Variants in DLG2 observed in about 807,000 individuals in gnomAD.
The protein encoded by DLG2 is discs large MAGUK scaffold protein 2.
Under a neutral mutation model 132.5 loss-of-function variants are expected in DLG2, and 45 were observed. The ratio of observed to expected loss-of-function variants is 0.34; its 90% CI spans 0.27 to 0.44. The LOEUF (loss-of-function observed/expected upper bound fraction) is 0.44, where lower values mean the gene tolerates loss of function less well. Ranked by LOEUF, DLG2 falls within the 20% of genes least tolerant of loss-of-function variation. DLG2 has a pLI of 1.00. For missense variants in DLG2, 1,045 were observed against 1,196.9 expected (o/e 0.87, Z 1.87); for synonymous variants, 424 against 419.6 (o/e 1.01, Z -0.13).
intron 6 of DLG2, among the ~76,000 whole-genome samples, chr11:84,952,285 C>G (rs2051033306): frequency 1.3e-5 from 2 of 152,230 alleles, no homozygotes; most frequent in African/African-American, 4.8e-5. Context: ...GTGGCTCACG[C>G]CTGTAATCCC....
intron 3 of DLG2, among the ~76,000 whole-genome samples, chr11:85,364,463 G>C (rs1277758898): frequency 6.6e-6 from 1 of 152,242 alleles, no homozygotes; most frequent in East Asian, 1.9e-4. Flanking sequence ...GTGGGTGACA[G>C]AGATATAATT....
chr11:83,895,894 C>A (rs1211013739), intron 15 of DLG2, among the ~76,000 whole-genome samples: 4 of 152,216 alleles, frequency 2.6e-5, no homozygotes, highest in African/African-American at 9.6e-5. Context: ...ATTGTACCCC[C>A]AACCCCATGT....
At chr11:85,163,771 C>T (rs1423186034) in intron 4 of DLG2, among the ~76,000 whole-genome samples, 1 of 152,138 alleles carries the variant, frequency 6.6e-6, no homozygotes, top group African/African-American at 2.4e-5. Context: ...ACCTTACTAA[C>T]CACCCTATAG....
intron 4 of DLG2, among the ~76,000 whole-genome samples, chr11:85,202,452 C>T (rs1331333555): frequency 1.3e-5 from 2 of 152,082 alleles, no homozygotes; most frequent in Admixed American, 6.6e-5. Context: ...GCATTAGGGA[C>T]TTTAGCACCC....
intron 19 of DLG2, chr11:83,631,596 A>G (rs892232256): frequency 5.9e-5 from 9 of 152,160 alleles, no homozygotes; most frequent in Non-Finnish European, 1.2e-4. Context: ...AAATAAGTGT[A>G]TTAGTTTTAT....
At chr11:83,616,719 C>A (rs1394474788) in intron 19 of DLG2, among the ~76,000 whole-genome samples, 1 of 152,078 alleles carries the variant, frequency 6.6e-6, no homozygotes, top group African/African-American at 2.4e-5. Flanking sequence ...TTAATCTTTG[C>A]CTATCACACA....
chr11:84,978,541 C>T (rs377320557), intron 6 of DLG2, among the ~76,000 whole-genome samples: 1 of 152,002 alleles, frequency 6.6e-6, no homozygotes, highest in Non-Finnish European at 1.5e-5. Flanking sequence ...CTTTGACAAA[C>T]CTGACAAAAA....
In DLG2 at chr11:85,419,310, T is replaced by C. The variant is rs528919533; in HGVS notation, c.41-133945A>G. ...GAGATCTGATGTTAGTCTGATGAGA[T>C]TCCCTTTGTGGGTAACCCAACCTTT... On this transcript the variant is annotated intron_variant, in intron 3 of 27. Transcript: ENST00000376104. Among the ~76,000 whole-genome samples the C allele has an allele frequency of 9.8e-5, 15 of 152,328 alleles. No individual in the cohort carries two copies. The South Asian group carries it at 3.1e-3, about 32-fold the overall frequency.
intron 7 of DLG2, among the ~76,000 whole-genome samples, chr11:84,392,849 G>A (rs867022399): frequency 6.6e-6 from 1 of 152,068 alleles, no homozygotes; most frequent in African/African-American, 2.4e-5. Context: ...TTTGGGTTCA[G>A]GAGCCATGTT....
At chr11:83,715,513 T>C (rs1228146639) in intron 18 of DLG2, among the ~76,000 whole-genome samples, 1 of 152,192 alleles carries the variant, frequency 6.6e-6, no homozygotes, top group Non-Finnish European at 1.5e-5. Context: ...CATTTCCACC[T>C]TTGAGGCAAA....
chr11:85,425,900 G>A (rs1471117567), intron 3 of DLG2, among the ~76,000 whole-genome samples: 2 of 152,244 alleles, frequency 1.3e-5, no homozygotes, highest in African/African-American at 4.8e-5. Flanking sequence ...AAAGAAAGGA[G>A]TGACAGATGG....
intron 3 of DLG2, among the ~76,000 whole-genome samples, chr11:85,318,620 G>A (rs1352882378): frequency 6.6e-6 from 1 of 151,692 alleles, no homozygotes; most frequent in Non-Finnish European, 1.5e-5. Context: ...AAGTAAATAT[G>A]AAGCCAACCG....
intron 3 of DLG2, among the ~76,000 whole-genome samples, chr11:85,316,847 G>C (rs975868231): frequency 1.3e-5 from 2 of 151,840 alleles, no homozygotes; most frequent in African/African-American, 2.4e-5. Flanking sequence ...GGATAAAATG[G>C]TAAATAAAAG....
At chr11:84,553,889 A>G (rs2099406777) in intron 6 of DLG2, among the ~76,000 whole-genome samples, 1 of 152,244 alleles carries the variant, frequency 6.6e-6, no homozygotes. Flanking sequence ...GGAATATTCA[A>G]TTAAAATTTG....
chr11:84,607,122 C>G (rs574409751), intron 6 of DLG2, among the ~76,000 whole-genome samples: 19 of 152,146 alleles, frequency 1.2e-4, no homozygotes, highest in Middle Eastern at 6.8e-3. Context: ...TAGTAAGTAT[C>G]TTCAGATGAG....
chr11:83,983,706 T>C (rs1592338352), intron 11 of DLG2, among the ~76,000 whole-genome samples: 1 of 152,058 alleles, frequency 6.6e-6, no homozygotes, highest in South Asian at 2.1e-4. Context: ...TTTTTACTGA[T>C]GCTTTGCCAC....
chr11:84,711,094 T>C (rs1239070858), intron 6 of DLG2, among the ~76,000 whole-genome samples: 1 of 150,636 alleles, frequency 6.6e-6, no homozygotes, highest in African/African-American at 2.4e-5. Flanking sequence ...TTTTCTACTA[T>C]GGTGTCTCTG....
intron 19 of DLG2, among the ~76,000 whole-genome samples, chr11:83,583,484 T>A (rs2097020331): frequency 6.6e-6 from 1 of 152,250 alleles, no homozygotes; most frequent in Non-Finnish European, 1.5e-5. Context: ...TTCCTTTTAT[T>A]CTCTGGGGCC....
At chr11:83,611,562 A>C (rs1366540067) in intron 19 of DLG2, among the ~76,000 whole-genome samples, 1 of 152,228 alleles carries the variant, frequency 6.6e-6, no homozygotes, top group South Asian at 2.1e-4. Flanking sequence ...CCTTTAATTA[A>C]GACTTTTACA....
Sources: allele counts gnomAD v4.1 joint callset (sites outside exome capture counted in the v4.1 genomes callset), GRCh38; gene constraint gnomAD v4.1.1; transcripts MANE v1.5; gene names NCBI Gene and HGNC (gene_info 2026-07-23, HGNC 2026-07-21).